The following UNC119 variants were observed in gnomAD, a reference collection of about 807,000 sequenced individuals.
UNC119 encodes the protein unc-119 lipid binding chaperone.
A neutral mutation model predicts 22.6 loss-of-function variants in UNC119; 15 were observed. That is an observed-to-expected ratio of 0.66 (90% confidence interval 0.44 to 1.02). The LOEUF is 1.02. Ranked by LOEUF, UNC119 falls within the 50% of genes least tolerant of loss-of-function variation. The pLI, the probability that UNC119 is intolerant of heterozygous loss-of-function variation, is 0.00. For synonymous variants in UNC119, 138 were observed against 139.4 expected, an observed-to-expected ratio of 0.99 and a Z score of 0.07; for missense variants, 322 against 336.0, an observed-to-expected ratio of 0.96 and a Z score of 0.33.
chr17:28,547,046 GCTCCT>G lies in UNC119; in HGVS notation c.*246_*250del, dbSNP rs1361976802. The stretch of plus-strand genomic sequence containing the variant: ...GCTAAGTTGTCCGGAAGTCCTGACT[GCTCCT>G]CTCACAGGCCTTCCTAGACGTGGAG... On this transcript the variant is annotated 3_prime_UTR_variant, in exon 5 of 5. Transcript: ENST00000335765. The G allele has an allele frequency of 2.1e-6, 1 of 485,024 alleles. No individual in the cohort carries two copies. Among genetic ancestry groups the G allele is most frequent in the East Asian group, 4.0e-5 (1 of 25,040 alleles). 30.0% of individuals were successfully genotyped at this position (485,024 alleles called of 1,614,324 possible). A position where few individuals can be genotyped will look rare whatever the true frequency, so the allele number is the denominator to read the frequency against.
In UNC119 at chr17:28,552,412, G is replaced by C; in HGVS notation, c.146C>G (p.Pro49Arg). 6.4e-7 allele frequency: 1 copy of C among 1,555,898 alleles called. No individual in the cohort carries two copies. Among genetic ancestry groups the C allele is most frequent in the Non-Finnish European group, 8.6e-7 (1 of 1,158,910 alleles). The change falls in exon 1 of 5, where the codon CCC becomes CGC. Residue 49 changes from proline to arginine, a missense_variant. By Grantham distance (103) the Pro-to-Arg change is moderately radical (BLOSUM62 -2). Transcript: ENST00000335765. ...SESEPDAGPG[P>R]RPGPLQRKQP... ...CTTCCTCTGCAGCGGCCCCGGCCTG[G>C]GCCCTGGGCCTGCGTCCGGCTCCGA...
At position 28,548,670 on chromosome 17, in the gene UNC119, T is replaced by A. The variant is rs2070239059; in HGVS notation, c.256A>T (p.Ile86Phe). The change falls in exon 2 of 5, where the codon ATC becomes TTC. Residue 86 changes from isoleucine (I) to phenylalanine (F), a missense_variant. By Grantham distance (21) the Ile-to-Phe change is conservative. Transcript: ENST00000335765. ...CGAATCTTAAACCTGACAAAGTCGA[T>A]CTTGTAGATATTCTCCTCAGGGGAG... ...LCSPEENIYK[I>F]DFVRFKIRDM... is the part of the protein sequence containing the mutation. The A allele has an allele frequency of 6.2e-7, 1 of 1,614,042 alleles. No individual in the cohort carries two copies. The highest frequency in any genetic ancestry group is 1.1e-5 in the South Asian group (1 of 91,096).
In UNC119 at chr17:28,547,120, T is replaced by G; in HGVS notation, c.*177A>C. ...ACCCCACCCCATGTAGCAGGCCGCA[T>G]GGGCTTCATGGGCTTGACTGGGGAC... is the stretch of plus-strand genomic sequence containing the variant. On this transcript the variant is annotated 3_prime_UTR_variant, in exon 5 of 5. Transcript: ENST00000335765. 4.0e-6 allele frequency: 3 copies of G among 742,204 alleles called. No homozygotes were observed. Among genetic ancestry groups the G allele is most frequent in the Non-Finnish European group, 6.8e-6 (3 of 443,846 alleles). The allele number at this position is 742,204 out of a possible 1,614,324, so 46.0% of individuals were successfully genotyped here.
chr17:28,547,119 AT>A lies in UNC119; in HGVS notation c.*177del. 1 of 742,922 alleles carries A rather than the reference AT, an allele frequency of 1.3e-6. No homozygotes were observed. 46.0% of individuals were successfully genotyped at this position (742,922 alleles called of 1,614,324 possible). On this transcript the variant is annotated 3_prime_UTR_variant, in exon 5 of 5. Transcript: ENST00000335765. Reference sequence around the variant, plus strand: ...GACCCCACCCCATGTAGCAGGCCGCATGGGCTTCATGGGCTTGACTGGGGAC... The same window carrying A: ...GACCCCACCCCATGTAGCAGGCCGCAGGGCTTCATGGGCTTGACTGGGGAC...
rs2070222946 is a variant in UNC119 at position 28,547,692 on chromosome 17, G to A, written c.595C>T (p.Leu199Phe). Residue 199 changes from leucine to phenylalanine, a missense_variant, in exon 4 of 5, where the codon CTC (leucine) becomes TTC (phenylalanine). Physicochemically the swap from Leu to Phe is conservative, Grantham distance 22 (BLOSUM62 0). Coordinates refer to ENST00000335765, the MANE Select transcript of UNC119 (RefSeq NM_005148.4). ...GCCCGCGCACTCAGCTCCTCGGAGAGAGGGGGGAAGTCGTAAATGTGCTCG... is the reference window on the plus strand; with the variant it reads ...GCCCGCGCACTCAGCTCCTCGGAGAAAGGGGGGAAGTCGTAAATGTGCTCG... ...TCEHIYDFPPLSEELISEMIR... is the reference protein window; with the variant it reads ...TCEHIYDFPPFSEELISEMIR... The A allele has an allele frequency of 1.9e-6, 3 of 1,614,196 alleles. No homozygotes were observed. The highest frequency in any genetic ancestry group is 2.5e-6 in the Non-Finnish European group (3 of 1,180,034).
rs886052764 is a variant in UNC119 at position 28,547,032 on chromosome 17, C to T, written c.*265G>A. The T allele has an allele frequency of 3.9e-5, 18 of 456,088 alleles. No homozygotes were observed. The highest frequency in any genetic ancestry group is 2.6e-4 in the African/African-American group (13 of 50,450). 28.3% of individuals were successfully genotyped at this position (456,088 alleles called of 1,614,324 possible). On this transcript the variant is annotated 3_prime_UTR_variant, in exon 5 of 5. Transcript: ENST00000335765. ...CCAAGTAGGGCCCAGCTAAGTTGTC[C>T]GGAAGTCCTGACTGCTCCTCTCACA...
At chr17:28,551,493 G>A (rs955158328) in intron 1 of UNC119, 3 of 152,328 alleles carry the variant, frequency 2.0e-5, no homozygotes, top group Admixed American at 6.5e-5. Flanking sequence ...TACACAGCAT[G>A]CATAGATGCC....
intron 2 of UNC119, 150 bp from the exon 3 acceptor site, chr17:28,548,251 A>C: frequency 1.3e-6 from 1 of 743,090 alleles, no homozygotes; most frequent in Non-Finnish European, 2.2e-6. Flanking sequence ...TTGGCCAAAT[A>C]GTGCCACCTA....
In UNC119 at chr17:28,548,663, A is replaced by T. The variant is rs1263870280; in HGVS notation, c.263T>A (p.Phe88Tyr). The change falls in exon 2 of 5, where the codon TTT becomes TAT. Residue 88 changes from phenylalanine (F) to tyrosine (Y), a missense_variant. Coordinates refer to ENST00000335765, the MANE Select transcript of UNC119 (RefSeq NM_005148.4). Reference protein sequence around the residue: ...SPEENIYKIDFVRFKIRDMDS... With the variant: ...SPEENIYKIDYVRFKIRDMDS... ...CATGTCCCGAATCTTAAACCTGACAAAGTCGATCTTGTAGATATTCTCCTC... is the reference window on the plus strand; with the variant it reads ...CATGTCCCGAATCTTAAACCTGACATAGTCGATCTTGTAGATATTCTCCTC... 1 of 1,613,998 alleles carries T rather than the reference A, an allele frequency of 6.2e-7. No homozygotes were observed. The highest frequency in any genetic ancestry group is 8.5e-7 in the Non-Finnish European group (1 of 1,179,994).
rs1395787718 is a variant in UNC119, at chr17:28,552,540, G to A, written c.18C>T (p.Gly6=). The A allele has an allele frequency of 9.7e-6, 15 of 1,539,610 alleles. No homozygotes were observed. The highest frequency in any genetic ancestry group is 3.7e-5 in the Admixed American group (2 of 53,718). MKVKK[G]GGGAGTATES... ...CCGTCGCCGTCCCGGCCCCACCGCC[G>A]CCCTTCTTCACCTTCATGGCCTTGC... The change falls in exon 1 of 5, where the codon GGC becomes GGT. Residue 6 remains glycine, a synonymous_variant. Coordinates refer to ENST00000335765, the MANE Select transcript of UNC119 (RefSeq NM_005148.4).
At chr17:28,551,930 C>T (rs1402553493) in intron 1 of UNC119, 1 of 340,268 alleles carries the variant, frequency 2.9e-6, no homozygotes, top group African/African-American at 2.2e-5. Context: ...AACTCAGCCT[C>T]CACCTAGCCT....
intron 2 of UNC119, 162 bp from the exon 3 acceptor site, chr17:28,548,263 G>T: frequency 1.4e-6 from 1 of 696,324 alleles, no homozygotes; most frequent in Non-Finnish European, 2.4e-6. Flanking sequence ...TGCCACCTAG[G>T]GGTTCTAGGT....
In UNC119 at chr17:28,547,129, T is replaced by G; in HGVS notation, c.*168A>C. ...CATGTAGCAGGCCGCATGGGCTTCA[T>G]GGGCTTGACTGGGGACACCAGGTAC... On this transcript the variant is annotated 3_prime_UTR_variant, in exon 5 of 5. Coordinates refer to ENST00000335765, the MANE Select transcript of UNC119 (RefSeq NM_005148.4). 1 of 816,218 alleles carries G rather than the reference T, an allele frequency of 1.2e-6. No individual in the cohort carries two copies. Among genetic ancestry groups the G allele is most frequent in the Non-Finnish European group, 2.0e-6 (1 of 504,848 alleles). The allele number at this position is 816,218 out of a possible 1,614,324, so 50.6% of individuals were successfully genotyped here.
chr17:28,552,254 G>A (rs1218319384), intron 1 of UNC119, 84 bp downstream of exon 1: 1 of 1,313,404 alleles, frequency 7.6e-7, no homozygotes, highest in Admixed American at 2.2e-5. Context: ...AAGGGGGCGG[G>A]GGCCAGGGCT....
Position 28,548,142 on chromosome 17 carries a change from G to A in UNC119, c.335-41C>T, listed in dbSNP as rs766439201. 1.9e-6 allele frequency: 3 copies of A among 1,573,778 alleles called. 1 individual carries two copies. In the South Asian group the frequency reaches 3.4e-5, roughly 18 times the overall value. ...GCTGGGGCTCAGTGGGCTTCAGGCT[G>A]GGCCCTTGTCCACCCAGGGTTCTAC... On this transcript the variant is annotated intron_variant, in intron 2 of 4. Coordinates refer to ENST00000335765, the MANE Select transcript of UNC119 (RefSeq NM_005148.4).
In UNC119 at chr17:28,552,588, T is replaced by TGCC. The variant is rs1385589436; in HGVS notation, c.-34_-32dup. ...TGCGGGGCCGAGGCTCGCCTGCTGC[T>TGCC]GCCGCCGCTGCCTGCGCCGGCTGGA... On this transcript the variant is annotated 5_prime_UTR_variant, in exon 1 of 5. Transcript: ENST00000335765. 3.4e-6 allele frequency: 5 copies of TGCC among 1,477,882 alleles called. No individual in the cohort carries two copies. Among genetic ancestry groups the TGCC allele is most frequent in the East Asian group, 2.9e-5 (1 of 34,878 alleles). The allele number at this position is 1,477,882 out of a possible 1,614,324, so 91.5% of individuals were successfully genotyped here.
At position 28,552,572 on chromosome 17, in the gene UNC119, G is replaced by A. The variant is rs1264066106; in HGVS notation, c.-15C>T. 58 of 1,497,050 alleles carry A rather than the reference G, an allele frequency of 3.9e-5. No homozygotes were observed. The highest frequency in any genetic ancestry group is 5.0e-5 in the South Asian group (4 of 80,120). The allele number at this position is 1,497,050 out of a possible 1,614,324, so 92.7% of individuals were successfully genotyped here. A position where few individuals can be genotyped will look rare whatever the true frequency, so the allele number is the denominator to read the frequency against. ...TTCACCTTCATGGCCTTGCGGGGCC[G>A]AGGCTCGCCTGCTGCTGCCGCCGCT... On this transcript the variant is annotated 5_prime_UTR_variant, in exon 1 of 5. Coordinates refer to ENST00000335765, the MANE Select transcript of UNC119 (RefSeq NM_005148.4).
Position 28,548,646 on chromosome 17 carries a change from G to C in UNC119, c.280C>G (p.Arg94Gly). 6.2e-7 allele frequency: 1 copy of C among 1,614,170 alleles called. No individual in the cohort carries two copies. Among genetic ancestry groups the C allele is most frequent in the Non-Finnish European group, 8.5e-7 (1 of 1,180,024 alleles). The change falls in exon 2 of 5, where the codon CGG becomes GGG. Residue 94 changes from arginine (R) to glycine (G), a missense_variant. Transcript: ENST00000335765. ...AGGACAGTGCCTGAGTCCATGTCCC[G>C]AATCTTAAACCTGACAAAGTCGATC... ...YKIDFVRFKIRDMDSGTVLFE... is the reference protein window; with the variant it reads ...YKIDFVRFKIGDMDSGTVLFE...
chr17:28,547,697 G>A lies in UNC119; in HGVS notation c.590C>T (p.Pro197Leu). The A allele has an allele frequency of 6.2e-7, 1 of 1,614,208 alleles. No homozygotes were observed. ...KNTCEHIYDFPPLSEELISEM... is the reference protein window; with the variant it reads ...KNTCEHIYDFLPLSEELISEM... ...CGCACTCAGCTCCTCGGAGAGAGGG[G>A]GGAAGTCGTAAATGTGCTCGCAGGT... The change falls in exon 4 of 5, where the codon CCC becomes CTC. Residue 197 changes from proline to leucine, a missense_variant. Physicochemically the swap from Pro to Leu is moderately conservative, Grantham distance 98 (BLOSUM62 -3). Coordinates refer to ENST00000335765, the MANE Select transcript of UNC119 (RefSeq NM_005148.4).
Sources: gnomAD v4.1 joint callset for allele counts on GRCh38, gnomAD v4.1.1 for gene constraint, MANE v1.5 for transcripts, NCBI Gene and HGNC (gene_info 2026-07-23, HGNC 2026-07-21) for gene names.